RP1: variants seen among roughly 807,000 people sequenced by gnomAD.
RP1 encodes the protein oxygen-regulated protein 1.
RP1 carries 16 observed loss-of-function variants against 14.8 expected under a neutral mutation model. The observed-to-expected ratio is 1.08, with a 90% CI of 0.73 to 1.65. RP1 has a LOEUF of 1.65. RP1 is among the 40% of genes most tolerant of loss of function. The pLI, the probability that RP1 is intolerant of heterozygous loss-of-function variation, is 0.00. For missense variants in RP1, 2,631 were observed against 2,535.0 expected (o/e 1.04, Z -0.81); for synonymous variants, 876 against 883.6 (o/e 0.99, Z 0.15).
chr8:54,633,733 C>CTATATA (rs1461408412), downstream of RP1, among the ~76,000 whole-genome samples: 41 of 130,140 alleles, frequency 3.2e-4, no homozygotes, highest in African/African-American at 8.3e-4. Context: ...CTCTCTCTCT[C>CTATATA]TCTCTATATA....
At chr8:54,801,478 A>G (rs1810705381) in intron 24 of RP1, among the ~76,000 whole-genome samples, 1 of 151,970 alleles carries the variant, frequency 6.6e-6, no homozygotes, top group African/African-American at 2.4e-5. Context: ...ATGTATTTTT[A>G]TCAGTGCCCT....
At chr8:54,825,510 G>A (rs530936155) in intron 24 of RP1, among the ~76,000 whole-genome samples, 2 of 152,250 alleles carry the variant, frequency 1.3e-5, no homozygotes, top group East Asian at 1.9e-4. Context: ...GAAAAACCTC[G>A]TTAAAAGGAT....
At chr8:54,662,521 C>T (rs983711803) in intron 6 of RP1, among the ~76,000 whole-genome samples, 1 of 152,154 alleles carries the variant, frequency 6.6e-6, no homozygotes, top group Non-Finnish European at 1.5e-5. Context: ...CTCCAATGTG[C>T]TCTTCTTCCT....
intron 1 of RP1, among the ~76,000 whole-genome samples, chr8:54,575,471 G>A (rs1418384592): frequency 6.6e-6 from 1 of 152,032 alleles, no homozygotes; most frequent in Non-Finnish European, 1.5e-5. Context: ...GGCATGCAAT[G>A]TGTGATAATC....
chr8:54,668,591 A>G (rs1454505415), intron 7 of RP1, among the ~76,000 whole-genome samples: 1 of 152,182 alleles, frequency 6.6e-6, no homozygotes, highest in Non-Finnish European at 1.5e-5. Flanking sequence ...CAAAAGAACA[A>G]AGCTGGAGGC....
At chr8:54,819,558 T>A (rs1356411754) in intron 24 of RP1, among the ~76,000 whole-genome samples, 1 of 152,106 alleles carries the variant, frequency 6.6e-6, no homozygotes, top group African/African-American at 2.4e-5. Context: ...AATAATTAGG[T>A]ATTCATTCTA....
intron 24 of RP1, among the ~76,000 whole-genome samples, chr8:54,814,105 A>G (rs181419685): frequency 1.3e-5 from 2 of 152,320 alleles, no homozygotes; most frequent in Admixed American, 6.5e-5. Context: ...AAACAGGCCT[A>G]TTGTTCTTGT....
intron 1 of RP1, among the ~76,000 whole-genome samples, chr8:54,562,674 CAA>C (rs202200045): frequency 5.9e-4 from 83 of 140,918 alleles, no homozygotes; most frequent in African/African-American, 1.9e-3. Context: ...AACTCCGTCT[CAA>C]AAAAAAAAAA....
chr8:54,620,353 G>C (rs1379849777), intron 1 of RP1, among the ~76,000 whole-genome samples: 1 of 152,060 alleles, frequency 6.6e-6, no homozygotes, highest in Non-Finnish European at 1.5e-5. Context: ...AATGCCCTAC[G>C]GTATTCAAAC....
chr8:54,650,914 C>A (rs143100238), intron 4 of RP1, among the ~76,000 whole-genome samples: 2 of 151,724 alleles, frequency 1.3e-5, no homozygotes, highest in South Asian at 2.1e-4. Flanking sequence ...GTTTTTCTCA[C>A]GATAAGTGCC....
rs1804258840 is a variant in RP1, at chr8:54,560,392, A to C, written c.-13+1072A>C. On this transcript the variant is annotated intron_variant, in intron 1 of 22. Coordinates refer to the RP1 transcript ENST00000636932. ...CCCGCTGCTAGAAAGCTGGAGCTGG[A>C]AGGAGCATTGGGGCCCGCTGAGTCC... is the stretch of plus-strand genomic sequence containing the variant. 3.3e-5 allele frequency: 5 copies of C among 152,348 alleles called. No homozygotes were observed. In the South Asian group the frequency reaches 1.0e-3, roughly 32 times the overall value. 9.4% of individuals were successfully genotyped at this position (152,348 alleles called of 1,614,324 possible).
chr8:54,869,985 C>CA, exon 29 of RP1: 4 of 893,060 alleles, frequency 4.5e-6, no homozygotes, highest in Non-Finnish European at 5.9e-6. Context: ...CTTCAAAAGG[C>CA]TATTGATCTG....
chr8:54,671,373 C>T (rs1272961456), intron 7 of RP1, among the ~76,000 whole-genome samples: 1 of 152,050 alleles, frequency 6.6e-6, no homozygotes. Context: ...GCATTTCACT[C>T]CTCAGATTTT....
Position 54,628,961 on chromosome 8 carries a change from G to T in RP1, c.5079G>T (p.Leu1693Phe), listed in dbSNP as rs751088395. ...AGGTATCTAGTAGTTCATCTATGTTGCAGGAATTCCAGGAGGAAAGACAAG... is the reference window on the plus strand; with the variant it reads ...AGGTATCTAGTAGTTCATCTATGTTTCAGGAATTCCAGGAGGAAAGACAAG... ...SEQVSSSSSM[L>F]QEFQEERQDK... Residue 1693 changes from leucine to phenylalanine, a missense_variant, in exon 4 of 4, where the codon TTG becomes TTT. Transcript: ENST00000220676. The T allele has an allele frequency of 6.2e-7, 1 of 1,613,992 alleles. No individual in the cohort carries two copies. The highest frequency in any genetic ancestry group is 1.7e-5 in the Admixed American group (1 of 60,008).
At chr8:54,803,763 G>A (rs138476216) in intron 24 of RP1, among the ~76,000 whole-genome samples, 2 of 152,080 alleles carry the variant, frequency 1.3e-5, no homozygotes, top group African/African-American at 4.8e-5. Context: ...TGTATACATG[G>A]TTTTTAATTT....
At chr8:54,870,505 C>T (rs1343257859) in exon 29 of RP1, 5 of 152,146 alleles carry the variant, frequency 3.3e-5, no homozygotes, top group Non-Finnish European at 5.9e-5. Flanking sequence ...ACTGTGTGTT[C>T]CCAGTGCACG....
At chr8:54,689,465 G>C (rs1264862478) in intron 12 of RP1, among the ~76,000 whole-genome samples, 1 of 151,842 alleles carries the variant, frequency 6.6e-6, no homozygotes, top group Non-Finnish European at 1.5e-5. Flanking sequence ...TTCCTTTCTT[G>C]GGGCCTAAGT....
chr8:54,632,232 A>T (rs980265849), downstream of RP1, among the ~76,000 whole-genome samples: 12 of 152,188 alleles, frequency 7.9e-5, no homozygotes, highest in African/African-American at 2.9e-4. Context: ...GAAGGTGTGA[A>T]ATATAGATAT....
chr8:54,842,721 TCTAACTTA>T (rs1298280619), intron 25 of RP1, among the ~76,000 whole-genome samples: 1 of 152,162 alleles, frequency 6.6e-6, no homozygotes, highest in Non-Finnish European at 1.5e-5. Flanking sequence ...CCAAAGATTT[TCTAACTTA>T]CTAAGAGTAA....
Sources: allele counts gnomAD v4.1 joint callset (sites outside exome capture counted in the v4.1 genomes callset), GRCh38; gene constraint gnomAD v4.1.1; transcripts MANE v1.5; gene names NCBI Gene and HGNC (gene_info 2026-07-23, HGNC 2026-07-21).